The following CCDC148 variants were observed in gnomAD, a reference collection of about 807,000 sequenced individuals.
CCDC148 encodes coiled-coil domain-containing protein 148.
CCDC148 carries 89 observed loss-of-function variants against 85.7 expected under a neutral mutation model. That is an observed-to-expected ratio of 1.04 (90% CI 0.87 to 1.24). The LOEUF is 1.24. Ranked by LOEUF, CCDC148 falls within the 50% of genes most tolerant of loss-of-function variation. The probability of loss-of-function intolerance (pLI) is 0.00; values close to 1 mark genes in which losing one functional copy is unlikely to be tolerated. For synonymous variants in CCDC148, 230 were observed against 213.9 expected (o/e 1.08, Z -0.66); for missense variants, 692 against 671.7 (o/e 1.03, Z -0.33).
intron 10 of CCDC148, among the ~76,000 whole-genome samples, chr2:158,243,255 C>T (rs1688426838): frequency 6.6e-6 from 1 of 152,100 alleles, no homozygotes. Context: ...AAATTCTGCC[C>T]TCTTGGTTCA....
intron 7 of CCDC148, among the ~76,000 whole-genome samples, chr2:158,329,452 C>A (rs1235202028): frequency 6.6e-6 from 1 of 152,000 alleles, no homozygotes; most frequent in African/African-American, 2.4e-5. Context: ...GTGATGCCTC[C>A]AGCTTTGTTC....
At chr2:158,243,533 G>A (rs373498152) in intron 10 of CCDC148, among the ~76,000 whole-genome samples, 9 of 151,944 alleles carry the variant, frequency 5.9e-5, no homozygotes, top group East Asian at 5.8e-4. Context: ...CGTCTCTCTC[G>A]GTCTCCTGCC....
chr2:158,189,292 A>G (rs1189296330), intron 11 of CCDC148, among the ~76,000 whole-genome samples: 1 of 151,842 alleles, frequency 6.6e-6, no homozygotes. Context: ...TGCCTAAGCT[A>G]GTTTGAGTTA....
intron 1 of CCDC148, among the ~76,000 whole-genome samples, chr2:158,384,163 CG>C (rs1684989270): frequency 1.3e-5 from 2 of 152,144 alleles, no homozygotes; most frequent in African/African-American, 4.8e-5. Flanking sequence ...TGACTTTGAT[CG>C]CTTAATTAAG....
chr2:158,184,445 A>G (rs1685060063), intron 11 of CCDC148, among the ~76,000 whole-genome samples: 2 of 152,168 alleles, frequency 1.3e-5, no homozygotes, highest in Non-Finnish European at 2.9e-5. Context: ...AAAACAGAGG[A>G]AAGAAGTCCC....
intron 9 of CCDC148, among the ~76,000 whole-genome samples, chr2:158,256,732 C>T (rs1689027063): frequency 6.6e-6 from 1 of 151,802 alleles, no homozygotes; most frequent in Non-Finnish European, 1.5e-5. Context: ...CTACTTCACA[C>T]TTCATCTGCC....
At chr2:158,308,473 T>G (rs1691803682) in intron 9 of CCDC148, among the ~76,000 whole-genome samples, 1 of 117,540 alleles carries the variant, frequency 8.5e-6, no homozygotes, top group Admixed American at 9.6e-5. Context: ...TCTTTTTGTT[T>G]TAAAAAATGC....
intron 1 of CCDC148, among the ~76,000 whole-genome samples, chr2:158,376,723 A>G (rs1365616518): frequency 6.6e-6 from 1 of 152,042 alleles, no homozygotes; most frequent in Non-Finnish European, 1.5e-5. Context: ...GGGAACAAAA[A>G]GAGGAAAAAA....
At chr2:158,320,493 T>C (rs1191458861) in intron 7 of CCDC148, among the ~76,000 whole-genome samples, 1 of 152,214 alleles carries the variant, frequency 6.6e-6, no homozygotes, top group African/African-American at 2.4e-5. Context: ...GGAAAAGTTG[T>C]TGTCATGAAC....
intron 1 of CCDC148, among the ~76,000 whole-genome samples, chr2:158,443,556 T>A (rs1005300631): frequency 8.9e-5 from 12 of 134,834 alleles, no homozygotes; most frequent in Non-Finnish European, 1.8e-4. Flanking sequence ...AGGAGAAAAG[T>A]CTATTCAAAC....
chr2:158,417,838 G>A (rs1263335775), intron 1 of CCDC148, among the ~76,000 whole-genome samples: 1 of 152,118 alleles, frequency 6.6e-6, no homozygotes. Flanking sequence ...AGATCCCCCT[G>A]AGGCATAAAG....
intron 11 of CCDC148, among the ~76,000 whole-genome samples, chr2:158,197,826 T>C (rs1162745336): frequency 6.6e-6 from 1 of 152,172 alleles, no homozygotes; most frequent in Non-Finnish European, 1.5e-5. Flanking sequence ...TCTGGGTATA[T>C]ATTATAATAT....
intron 9 of CCDC148, among the ~76,000 whole-genome samples, chr2:158,279,750 C>T (rs1266572084): frequency 2.6e-5 from 4 of 151,980 alleles, no homozygotes; most frequent in South Asian, 2.1e-4. Flanking sequence ...GGCAGGCCAA[C>T]GTTCAGATTC....
chr2:158,179,326 T>A (rs1032796431), intron 11 of CCDC148, among the ~76,000 whole-genome samples: 6 of 151,730 alleles, frequency 4.0e-5, no homozygotes, highest in Non-Finnish European at 5.9e-5. Flanking sequence ...GCCCAGCTAA[T>A]TTTTGTATTT....
chr2:158,439,364 A>G (rs1687829149), intron 1 of CCDC148, among the ~76,000 whole-genome samples: 1 of 152,212 alleles, frequency 6.6e-6, no homozygotes, highest in South Asian at 2.1e-4. Context: ...TTCTCAGGAA[A>G]CTATTGCAGG....
At chr2:158,225,973 A>G (rs1461311080) in intron 10 of CCDC148, among the ~76,000 whole-genome samples, 7 of 152,324 alleles carry the variant, frequency 4.6e-5, no homozygotes, top group Admixed American at 4.6e-4. Context: ...AACTGAGGGA[A>G]ATAGAGACAC....
intron 7 of CCDC148, among the ~76,000 whole-genome samples, chr2:158,317,403 A>G (rs922888385): frequency 6.6e-6 from 1 of 152,188 alleles, no homozygotes; most frequent in Non-Finnish European, 1.5e-5. Context: ...GGTATTTACC[A>G]TTCAATTCTC....
intron 9 of CCDC148, among the ~76,000 whole-genome samples, chr2:158,262,687 G>A (rs772311703): frequency 2.3e-4 from 35 of 151,772 alleles, no homozygotes; most frequent in Non-Finnish European, 3.8e-4. Context: ...AAGGGGGGAC[G>A]TGTCACACTT....
At chr2:158,285,581 A>G (rs1690584024) in intron 9 of CCDC148, among the ~76,000 whole-genome samples, 1 of 150,420 alleles carries the variant, frequency 6.6e-6, no homozygotes, top group Non-Finnish European at 1.5e-5. Flanking sequence ...CCCAGGCTGG[A>G]GTGCAGTGGT....
Sources: allele counts gnomAD v4.1 joint callset (sites outside exome capture counted in the v4.1 genomes callset), GRCh38; gene constraint gnomAD v4.1.1; transcripts MANE v1.5; gene names NCBI Gene and HGNC (gene_info 2026-07-23, HGNC 2026-07-21).